The following CD101 variants were observed in gnomAD, a reference collection of about 807,000 sequenced individuals.
CD101 encodes the protein immunoglobulin superfamily member 2.
In CD101, 76 loss-of-function variants were observed where a neutral mutation model predicts 98.2. The observed-to-expected ratio is 0.77, with a 90% CI of 0.64 to 0.94. The LOEUF (loss-of-function observed/expected upper bound fraction) is 0.94. CD101 is among the 40% of genes least tolerant of loss of function. The pLI is 0.00. For synonymous variants in CD101, 471 were observed against 472.7 expected (o/e 1.00, Z 0.05); for missense variants, 1,145 against 1,218.8 (o/e 0.94, Z 0.90).
rs1332838580 is a variant in CD101, at chr1:117,018,079, G to A, written c.1613-77G>A. 6.4e-6 allele frequency: 8 copies of A among 1,253,558 alleles called. No homozygotes were observed. Among genetic ancestry groups the A allele is most frequent in the East Asian group, 5.1e-5 (2 of 39,402 alleles). 77.7% of individuals were successfully genotyped at this position (1,253,558 alleles called of 1,614,324 possible). Reference sequence around the variant, plus strand: ...ATGCATGGTCCTAGTCAAAGAGGTGGCAACTAGAAAAACTTGAAAGTGCTA... The same window carrying A: ...ATGCATGGTCCTAGTCAAAGAGGTGACAACTAGAAAAACTTGAAAGTGCTA... On this transcript the variant is annotated intron_variant, in intron 5 of 9. Coordinates refer to ENST00000682167, the MANE Select transcript of CD101 (RefSeq NM_001256106.3). This position sits in a 1 kb window ranked among gnomAD's most constrained non-coding sequence, Gnocchi z 4.3.
intron 4 of CD101, among the ~76,000 whole-genome samples, chr1:117,014,629 C>T (rs1653100821): frequency 6.6e-6 from 1 of 152,134 alleles, no homozygotes; most frequent in African/African-American, 2.4e-5. Context: ...TAAGGATTCA[C>T]TAGGCTGGGT....
chr1:117,024,492 TA>T (rs869084218), intron 7 of CD101, among the ~76,000 whole-genome samples: 2 of 43,560 alleles, frequency 4.6e-5, no homozygotes, highest in African/African-American at 8.7e-5. Context: ...ATAAATAAAA[TA>T]AAAATAAATA....
In CD101 at chr1:117,022,561, G is replaced by C. The variant is rs553809437; in HGVS notation, c.2428+578G>C. 6.6e-6 allele frequency among the ~76,000 whole-genome samples: 1 copy of C among 152,264 alleles called. No individual in the cohort carries two copies. Among genetic ancestry groups the C allele is most frequent in the Admixed American group, 6.5e-5 (1 of 15,288 alleles). ...TCTAAGAGTGCCACTGTCTAAATGT[G>C]GGCAGGGTTGATTAGGTCTCTCAGC... On this transcript the variant is annotated intron_variant, in intron 7 of 9. Coordinates refer to ENST00000682167, the MANE Select transcript of CD101 (RefSeq NM_001256106.3). The surrounding 1 kb of genome is among the most constrained non-coding windows in gnomAD (Gnocchi z 4.8).
In CD101 at chr1:117,004,445, A is replaced by C. The variant is rs1652417877; in HGVS notation, c.43+2585A>C. On this transcript the variant is annotated intron_variant, in intron 1 of 9. Coordinates refer to ENST00000682167, the MANE Select transcript of CD101 (RefSeq NM_001256106.3). The surrounding 1 kb of genome is among the most constrained non-coding windows in gnomAD (Gnocchi z 4.1). ...ATAATACTGCAGTGGTAAATTTGAC[A>C]ATTCCAGTGATATTTTTAAAGAAAG... Among the ~76,000 whole-genome samples the C allele has an allele frequency of 6.6e-6, 1 of 152,156 alleles. No homozygotes were observed. The highest frequency in any genetic ancestry group is 2.1e-4 in the South Asian group (1 of 4,826).
At position 117,017,402 on chromosome 1, in the gene CD101, C is replaced by T. The variant is rs768501974; in HGVS notation, c.1541C>T (p.Ser514Phe). Reference sequence around the variant, plus strand: ...AGTGGCACATATGAGTGCAGAGTATCTGAGAAGTCTCGGAACCAGGCCAGA... The same window carrying T: ...AGTGGCACATATGAGTGCAGAGTATTTGAGAAGTCTCGGAACCAGGCCAGA... ...TDSGTYECRV[S>F]EKSRNQARDL... The change falls in exon 5 of 10, where the codon TCT becomes TTT. Residue 514 changes from serine to phenylalanine, a missense_variant. By Grantham distance (155) the Ser-to-Phe change is radical (BLOSUM62 -2). Transcript: ENST00000682167. The T allele has an allele frequency of 1.9e-6, 3 of 1,614,234 alleles. No homozygotes were observed. The highest frequency in any genetic ancestry group is 1.7e-6 in the Non-Finnish European group (2 of 1,180,032).
In CD101 at chr1:117,021,880, A is replaced by T. The variant is rs1223531590; in HGVS notation, c.2325A>T (p.Lys775Asn). Reference sequence around the variant, plus strand: ...ATGTGGAAGACAGCGATCGGGGCAAATATCACTGTGCTGTGGAGGAATGGC... The same window carrying T: ...ATGTGGAAGACAGCGATCGGGGCAATTATCACTGTGCTGTGGAGGAATGGC... ...ILNVEDSDRGKYHCAVEEWLL... is the reference protein window; with the variant it reads ...ILNVEDSDRGNYHCAVEEWLL... The change falls in exon 7 of 10, where the codon AAA becomes AAT. Residue 775 changes from lysine to asparagine, a missense_variant. Lys to Asn is a moderately conservative substitution (Grantham distance 94). Coordinates refer to ENST00000682167, the MANE Select transcript of CD101 (RefSeq NM_001256106.3). This position sits in a 1 kb window ranked among gnomAD's most constrained non-coding sequence, Gnocchi z 4.7. 6.2e-7 allele frequency: 1 copy of T among 1,614,210 alleles called. No homozygotes were observed. Among genetic ancestry groups the T allele is most frequent in the Non-Finnish European group, 8.5e-7 (1 of 1,180,030 alleles).
At chr1:117,029,314 G>A (rs1013553636) in intron 8 of CD101, among the ~76,000 whole-genome samples, 4 of 148,902 alleles carry the variant, frequency 2.7e-5, no homozygotes, top group Non-Finnish European at 4.5e-5. Flanking sequence ...AAGAAAGAAA[G>A]AAGAAAGAAA....
chr1:117,024,669 T>C (rs1290034567), intron 7 of CD101, among the ~76,000 whole-genome samples: 1 of 152,164 alleles, frequency 6.6e-6, no homozygotes, highest in Non-Finnish European at 1.5e-5. Context: ...TAAAACTCAG[T>C]CTAATCCAAT....
rs528988615 is a variant in CD101, at chr1:117,019,187, G to A, written c.2017+627G>A. ...CTCTTAGGAAGAGTGATGGAGAGAC[G>A]TTGGAGTCATTTAGATCTGACAGTC... On this transcript the variant is annotated intron_variant, in intron 6 of 9. Transcript: ENST00000682167. This position sits in a 1 kb window ranked among gnomAD's most constrained non-coding sequence, Gnocchi z 4.3. Among the ~76,000 whole-genome samples, 1 of 152,320 alleles carries A rather than the reference G, an allele frequency of 6.6e-6. No homozygotes were observed. The highest frequency in any genetic ancestry group is 1.5e-5 in the Non-Finnish European group (1 of 68,024).
At chr1:117,024,645 T>C (rs1653791236) in intron 7 of CD101, among the ~76,000 whole-genome samples, 1 of 152,184 alleles carries the variant, frequency 6.6e-6, no homozygotes, top group Non-Finnish European at 1.5e-5. Flanking sequence ...AAAAAGTAAA[T>C]GTCAAAATCT....
In CD101 at chr1:117,010,601, G is replaced by T. The variant is rs113926493; in HGVS notation, c.424+371G>T. ...TGACAAGAAAGCTGGTACCATAGGT[G>T]ATAAGTCATTAACTTAGAAATGATA... On this transcript the variant is annotated intron_variant, in intron 2 of 9. Transcript: ENST00000682167. The surrounding 1 kb of genome is among the most constrained non-coding windows in gnomAD (Gnocchi z 5.2). 3.1e-3 allele frequency among the ~76,000 whole-genome samples: 469 copies of T among 152,314 alleles called. 4 individuals carry two copies. Among genetic ancestry groups the T allele is most frequent in the African/African-American group, 0.011 (457 of 41,552 alleles).
Position 117,005,494 on chromosome 1 carries a change from T to C in CD101, c.43+3634T>C, listed in dbSNP as rs1216320891. On this transcript the variant is annotated intron_variant, in intron 1 of 9. Transcript: ENST00000682167. The surrounding 1 kb of genome is among the most constrained non-coding windows in gnomAD (Gnocchi z 4.4). ...CAGAGTCCCCAACCTCTTGGCAGCC[T>C]TTGGCAGTGCTGACAAGCCCTTTCC... Among the ~76,000 whole-genome samples, 2 of 152,196 alleles carry C rather than the reference T, an allele frequency of 1.3e-5. No homozygotes were observed. Among genetic ancestry groups the C allele is most frequent in the Non-Finnish European group, 2.9e-5 (2 of 68,028 alleles).
intron 1 of CD101, 26 bp downstream of exon 1, chr1:117,001,886 C>A: frequency 6.2e-7 from 1 of 1,612,150 alleles, no homozygotes; most frequent in Non-Finnish European, 8.5e-7. Context: ...CTTTATGTTT[C>A]TCTTGTCACA....
chr1:117,017,455 G>A lies in CD101; in HGVS notation c.1594G>A (p.Val532Ile), dbSNP rs1429854528. The change falls in exon 5 of 10, where the codon GTT (valine) becomes ATT (isoleucine). Residue 532 changes from valine to isoleucine, a missense_variant. Val to Ile is a conservative substitution (Grantham distance 29). Transcript: ENST00000682167. ...RDLSWTQKIS[V>I]TVKSLESSLQ... ...TCTGAGCTGGACTCAGAAGATTTCAGTTACTGTAAAGTCTCTGGGTAAGTG... is the reference window on the plus strand; with the variant it reads ...TCTGAGCTGGACTCAGAAGATTTCAATTACTGTAAAGTCTCTGGGTAAGTG... The A allele has an allele frequency of 6.2e-7, 1 of 1,611,660 alleles. No homozygotes were observed. The highest frequency in any genetic ancestry group is 1.1e-5 in the South Asian group (1 of 90,908).
rs1652717016 is a variant in CD101 at position 117,009,041 on chromosome 1, A to T, written c.44-809A>T. On this transcript the variant is annotated intron_variant, in intron 1 of 9. Transcript: ENST00000682167. ...ATTTCTGAAAAATGCTTGATTTAAAAAATTTGTCAAATGAAATATTACCAT... is the reference window on the plus strand; with the variant it reads ...ATTTCTGAAAAATGCTTGATTTAAATAATTTGTCAAATGAAATATTACCAT... Among the ~76,000 whole-genome samples, 2 of 152,370 alleles carry T rather than the reference A, an allele frequency of 1.3e-5. 1 individual carries two copies. The highest frequency in any genetic ancestry group is 3.8e-4 in the East Asian group (2 of 5,196).
rs1411537527 is a variant in CD101, at chr1:117,021,392, G to A, written c.2018-181G>A. On this transcript the variant is annotated intron_variant, in intron 6 of 9. Transcript: ENST00000682167. The surrounding 1 kb of genome is among the most constrained non-coding windows in gnomAD (Gnocchi z 4.7). Reference sequence around the variant, plus strand: ...GGCAGAGCTGTCCAGAGATGAAATGGGCTGCCTTGTCAGCTAGTGATGCTG... The same window carrying A: ...GGCAGAGCTGTCCAGAGATGAAATGAGCTGCCTTGTCAGCTAGTGATGCTG... Among the ~76,000 whole-genome samples the A allele has an allele frequency of 1.3e-5, 2 of 152,170 alleles. No homozygotes were observed. The highest frequency in any genetic ancestry group is 6.5e-5 in the Admixed American group (1 of 15,280).
At chr1:117,002,549 G>C (rs1652293071) in intron 1 of CD101, among the ~76,000 whole-genome samples, 2 of 152,272 alleles carry the variant, frequency 1.3e-5, no homozygotes, top group Admixed American at 1.3e-4. Context: ...CCAGATAGCA[G>C]GTACTTTTTA....
At chr1:117,027,048 T>C (rs774983855) in intron 8 of CD101, among the ~76,000 whole-genome samples, 8 of 152,234 alleles carry the variant, frequency 5.3e-5, no homozygotes, top group Non-Finnish European at 1.2e-4. Flanking sequence ...TATGAAATCA[T>C]ACGCTGGTTA....
At chr1:117,028,616 G>C (rs1654117333) in intron 8 of CD101, among the ~76,000 whole-genome samples, 1 of 152,182 alleles carries the variant, frequency 6.6e-6, no homozygotes, top group Non-Finnish European at 1.5e-5. Flanking sequence ...AGGGAGTGGA[G>C]AGCCTGTGAA....
Sources: gnomAD v4.1 joint callset for allele counts (sites outside exome capture counted in the v4.1 genomes callset) on GRCh38, gnomAD v4.1.1 for gene constraint, Gnocchi (gnomAD v3.1) non-coding constraint, MANE v1.5 for transcripts, NCBI Gene and HGNC (gene_info 2026-07-23, HGNC 2026-07-21) for gene names.